Variants in TNFRSF13B observed in about 807,000 individuals in gnomAD.
TNFRSF13B encodes the protein tumor necrosis factor receptor superfamily member 13B.
In TNFRSF13B, 34 loss-of-function variants were observed where a neutral mutation model predicts 24.0. The observed-to-expected ratio is 1.41, with a 90% CI of 1.08 to 1.88. TNFRSF13B has a LOEUF of 1.88. Ranked by LOEUF, TNFRSF13B falls within the 40% of genes most tolerant of loss-of-function variation. The pLI, the probability that TNFRSF13B is intolerant of heterozygous loss-of-function variation, is 0.00. For missense variants in TNFRSF13B, 415 were observed against 380.8 expected, an observed-to-expected ratio of 1.09 and a Z score of -0.75; for synonymous variants, 173 against 150.3, an observed-to-expected ratio of 1.15 and a Z score of -1.10.
rs1163910524 is a variant in TNFRSF13B, at chr17:16,962,281, TG to T, written c.62-9699del. 2.0e-5 allele frequency among the ~76,000 whole-genome samples: 3 copies of T among 152,056 alleles called. No homozygotes were observed. The South Asian group carries it at 6.2e-4, about 32-fold the overall frequency. On this transcript the variant is annotated intron_variant, in intron 1 of 4. Transcript: ENST00000261652. Reference sequence around the variant, plus strand: ...AATCACTTTGGGAGACCAAGGCAGGTGGATCATTTGAGGTCAGGAGTTCGAG... The same window carrying T: ...AATCACTTTGGGAGACCAAGGCAGGTGATCATTTGAGGTCAGGAGTTCGAG...
At chr17:16,970,640 A>G (rs2087737212) in intron 1 of TNFRSF13B, among the ~76,000 whole-genome samples, 1 of 152,052 alleles carries the variant, frequency 6.6e-6, no homozygotes, top group Non-Finnish European at 1.5e-5. Flanking sequence ...ACTGAGGGGA[A>G]GCGGCTCAGC....
intron 1 of TNFRSF13B, among the ~76,000 whole-genome samples, chr17:16,954,096 G>A (rs2087608882): frequency 6.6e-6 from 1 of 152,236 alleles, no homozygotes; most frequent in Non-Finnish European, 1.5e-5. Flanking sequence ...AAAGCAAGCT[G>A]AGGGAAGACC....
chr17:16,967,423 T>C (rs962788111), intron 1 of TNFRSF13B, among the ~76,000 whole-genome samples: 43 of 152,242 alleles, frequency 2.8e-4, no homozygotes, highest in Middle Eastern at 3.4e-3. Context: ...TAATCATATT[T>C]GTAAATGGTC....
At chr17:16,946,586 T>G (rs145932879) in intron 3 of TNFRSF13B, among the ~76,000 whole-genome samples, 4,513 of 144,170 alleles carry the variant, frequency 0.031, 113 homozygotes, top group Admixed American at 0.06. Context: ...TTTTATTTAT[T>G]TATTTATTTA....
At chr17:16,958,199 T>C (rs2087637680) in intron 1 of TNFRSF13B, among the ~76,000 whole-genome samples, 1 of 152,014 alleles carries the variant, frequency 6.6e-6, no homozygotes, top group South Asian at 2.1e-4. Context: ...AAGATATTAA[T>C]TGTAATCCCC....
intron 1 of TNFRSF13B, among the ~76,000 whole-genome samples, chr17:16,955,643 A>G (rs951039856): frequency 1.3e-5 from 2 of 152,254 alleles, no homozygotes; most frequent in African/African-American, 4.8e-5. Flanking sequence ...AAACTAGGGT[A>G]CATCATCATA....
At chr17:16,960,741 T>A (rs1490628967) in intron 1 of TNFRSF13B, among the ~76,000 whole-genome samples, 1 of 152,000 alleles carries the variant, frequency 6.6e-6, no homozygotes, top group Admixed American at 6.6e-5. Flanking sequence ...AAGGAAAAAA[T>A]TAGATAAATT....
intron 2 of TNFRSF13B, among the ~76,000 whole-genome samples, chr17:16,950,753 T>G (rs1485841539): frequency 6.6e-6 from 1 of 150,936 alleles, no homozygotes; most frequent in East Asian, 1.9e-4. Flanking sequence ...CCTCCCTGCC[T>G]GACCTCACAC....
At chr17:16,957,377 C>CTAA (rs1365644368) in intron 1 of TNFRSF13B, among the ~76,000 whole-genome samples, 2 of 151,816 alleles carry the variant, frequency 1.3e-5, no homozygotes, top group African/African-American at 4.8e-5. Context: ...GCCAAATGTA[C>CTAA]TAATGTATGC....
intron 3 of TNFRSF13B, among the ~76,000 whole-genome samples, chr17:16,946,299 C>G (rs974696353): frequency 2.0e-5 from 3 of 152,182 alleles, no homozygotes; most frequent in African/African-American, 7.2e-5. Context: ...ACCAATCAGC[C>G]CCAAGAAGAG....
intron 2 of TNFRSF13B, among the ~76,000 whole-genome samples, chr17:16,949,686 ATTT>A (rs58362582): frequency 6.9e-6 from 1 of 144,326 alleles, no homozygotes. Flanking sequence ...AATATTTCTA[ATTT>A]TTTTTTTTTT....
intron 1 of TNFRSF13B, among the ~76,000 whole-genome samples, chr17:16,963,629 A>C (rs571919347): frequency 1.1e-4 from 17 of 152,200 alleles, no homozygotes; most frequent in African/African-American, 4.1e-4. Flanking sequence ...GGCTCACTGC[A>C]AGCTCCACCT....
chr17:16,950,919 C>T (rs1165974690), intron 2 of TNFRSF13B, among the ~76,000 whole-genome samples: 2 of 152,214 alleles, frequency 1.3e-5, no homozygotes, highest in Non-Finnish European at 2.9e-5. Flanking sequence ...CTAGGGACAC[C>T]TCCCTGCTCC....
intron 1 of TNFRSF13B, among the ~76,000 whole-genome samples, chr17:16,968,128 C>T (rs1209156347): frequency 2.6e-5 from 3 of 117,328 alleles, no homozygotes; most frequent in East Asian, 2.5e-4. Context: ...GCGACAAGAG[C>T]GAAACCCTGT....
At chr17:16,946,580 A>ATT (rs1210508414) in intron 3 of TNFRSF13B, among the ~76,000 whole-genome samples, 7 of 146,822 alleles carry the variant, frequency 4.8e-5, no homozygotes, top group East Asian at 2.2e-4. Flanking sequence ...TTTTATTTTT[A>ATT]TTTATTTATT....
At chr17:16,940,007 T>C in intron 4 of TNFRSF13B, 2 of 960,038 alleles carry the variant, frequency 2.1e-6, no homozygotes, top group South Asian at 1.8e-5. Flanking sequence ...CTCTCACTTC[T>C]GTCCAGCACC....
chr17:16,967,081 T>C (rs188914163), intron 1 of TNFRSF13B, among the ~76,000 whole-genome samples: 5 of 152,228 alleles, frequency 3.3e-5, no homozygotes, highest in Admixed American at 3.3e-4. Context: ...TCAGGTTATC[T>C]GCCCACCTCA....
Position 16,940,330 on chromosome 17 carries a change from G to A in TNFRSF13B, c.627C>T (p.Ser209=), listed in dbSNP as rs1162284487. ...ACCCCAGTTTCATGCACTCACCCTG[G>A]GAAGACTTGGCCGGACTTTGACGGG... is the stretch of plus-strand genomic sequence containing the variant. ...SRPRQSPAKS[S]QDHAMEAGSP... is the part of the protein sequence containing the mutation. The change falls in exon 4 of 5, where the codon TCC becomes TCT. Residue 209 remains serine (S), a synonymous_variant. Transcript: ENST00000261652. 6.2e-7 allele frequency: 1 copy of A among 1,613,292 alleles called. No individual in the cohort carries two copies. Among genetic ancestry groups the A allele is most frequent in the Non-Finnish European group, 8.5e-7 (1 of 1,179,964 alleles).
intron 1 of TNFRSF13B, among the ~76,000 whole-genome samples, chr17:16,965,064 TATA>T (rs1471400781): frequency 6.6e-6 from 1 of 152,124 alleles, no homozygotes; most frequent in Non-Finnish European, 1.5e-5. Flanking sequence ...GTTATCATTT[TATA>T]ATAATTTATA....
Sources: allele counts gnomAD v4.1 joint callset (sites outside exome capture counted in the v4.1 genomes callset), GRCh38; gene constraint gnomAD v4.1.1; transcripts MANE v1.5; gene names NCBI Gene and HGNC (gene_info 2026-07-23, HGNC 2026-07-21).